Variants in NAF1 observed in about 807,000 individuals in gnomAD.
The protein encoded by NAF1 is H/ACA ribonucleoprotein complex non-core subunit NAF1.
In NAF1, 11 loss-of-function variants were observed where a neutral mutation model predicts 40.6. The ratio of observed to expected loss-of-function variants is 0.27; its 90% confidence interval spans 0.17 to 0.45. The LOEUF (loss-of-function observed/expected upper bound fraction) is 0.45. Ranked by LOEUF, NAF1 falls within the 20% of genes least tolerant of loss-of-function variation. NAF1 has a pLI of 1.00. For synonymous variants in NAF1, 260 were observed against 228.5 expected (o/e 1.14, Z -1.24); for missense variants, 607 against 611.1 (o/e 0.99, Z 0.07).
rs1731441156 is a variant in NAF1, at chr4:163,145,816, A to G, written c.683T>C (p.Val228Ala). 10 of 1,590,152 alleles carry G rather than the reference A, an allele frequency of 6.3e-6. No individual in the cohort carries two copies. Among genetic ancestry groups the G allele is most frequent in the Non-Finnish European group, 8.6e-6 (10 of 1,163,642 alleles). Reference sequence around the variant, plus strand: ...TGCTTGTCGATCACTTTTAAAAATTACAGTCTCCTCATTAACTGGAGGTAG... The same window carrying G: ...TGCTTGTCGATCACTTTTAAAAATTGCAGTCTCCTCATTAACTGGAGGTAG... ...TNLPPVNEETVIFKSDRQAAG... is the reference protein window; with the variant it reads ...TNLPPVNEETAIFKSDRQAAG... Residue 228 changes from valine to alanine, a missense_variant, in exon 4 of 8, where the codon GTA (valine) becomes GCA (alanine). Physicochemically the swap from Val to Ala is moderately conservative, Grantham distance 64. Coordinates refer to ENST00000274054, the MANE Select transcript of NAF1 (RefSeq NM_138386.3).
chr4:163,149,736 G>A (rs1731619827), intron 2 of NAF1, among the ~76,000 whole-genome samples: 1 of 152,132 alleles, frequency 6.6e-6, no homozygotes, highest in Non-Finnish European at 1.5e-5. Context: ...TTTGAAAATG[G>A]TTCATGTGTG....
intron 6 of NAF1, chr4:163,133,588 TTATCA>T: frequency 5.0e-6 from 1 of 200,152 alleles, no homozygotes. Context: ...ATTATATATA[TTATCA>T]GAGCCAATAA....
chr4:163,124,501 C>T (rs80077097), downstream of NAF1, among the ~76,000 whole-genome samples: 221 of 152,216 alleles, frequency 1.5e-3, 1 homozygote, highest in East Asian at 0.017. Flanking sequence ...CCTAATACAA[C>T]GTAAACCTTA....
chr4:163,127,863 G>GT (rs1028356881), downstream of NAF1, among the ~76,000 whole-genome samples: 14 of 152,184 alleles, frequency 9.2e-5, no homozygotes, highest in African/African-American at 3.4e-4. Flanking sequence ...GTAAAGGAAT[G>GT]TAAGATTGGG....
intron 2 of NAF1, among the ~76,000 whole-genome samples, chr4:163,118,188 T>A (rs1450726749): frequency 6.6e-6 from 1 of 152,042 alleles, no homozygotes; most frequent in African/African-American, 2.4e-5. Flanking sequence ...ACCACTATAC[T>A]CTAGAAACAC....
At position 163,164,232 on chromosome 4, in the gene NAF1, A is replaced by T; in HGVS notation, c.525T>A (p.Asp175Glu). 1 of 1,547,980 alleles carries T rather than the reference A, an allele frequency of 6.5e-7. No individual in the cohort carries two copies. The highest frequency in any genetic ancestry group is 8.7e-7 in the Non-Finnish European group (1 of 1,150,866). Residue 175 changes from aspartate (D) to glutamate (E), a missense_variant, in exon 2 of 8, where the codon GAT becomes GAA. Transcript: ENST00000274054. ...AAGTACTTACATTAAGAAGTAATTC[A>T]TCTTTTGTTTTAAGAGGAAAATTCT... ...ENKNFPLKTKDELLLNELPSV... is the reference protein window; with the variant it reads ...ENKNFPLKTKEELLLNELPSV...
intron 2 of NAF1, among the ~76,000 whole-genome samples, chr4:163,117,715 A>ACACACACACACG (rs1393463048): frequency 1.3e-5 from 2 of 151,324 alleles, no homozygotes; most frequent in African/African-American, 2.4e-5. Context: ...ACACACACAC[A>ACACACACACACG]CACGCATGAA....
At chr4:163,115,354 G>A (rs1011926583) in intron 2 of NAF1, among the ~76,000 whole-genome samples, 6 of 151,760 alleles carry the variant, frequency 4.0e-5, no homozygotes, top group East Asian at 1.9e-4. Flanking sequence ...GACTACAGGC[G>A]CCCACCACCG....
intron 3 of NAF1, among the ~76,000 whole-genome samples, chr4:163,146,112 C>T (rs1251136913): frequency 6.6e-6 from 1 of 152,106 alleles, no homozygotes; most frequent in African/African-American, 2.4e-5. Flanking sequence ...GCAAATCCCA[C>T]AGAAAATCTG....
intron 6 of NAF1, among the ~76,000 whole-genome samples, chr4:163,134,465 T>C (rs889663014): frequency 6.6e-6 from 1 of 152,156 alleles, no homozygotes; most frequent in Non-Finnish European, 1.5e-5. Flanking sequence ...TTACTGATCT[T>C]AATACGATAA....
intron 4 of NAF1, among the ~76,000 whole-genome samples, chr4:163,143,208 C>T (rs1386331513): frequency 1.3e-5 from 2 of 152,192 alleles, no homozygotes; most frequent in East Asian, 3.9e-4. Context: ...GGTGATAATA[C>T]TCACCATTTT....
intron 1 of NAF1, among the ~76,000 whole-genome samples, chr4:163,165,846 T>C (rs1339344687): frequency 1.3e-5 from 2 of 152,190 alleles, no homozygotes; most frequent in Non-Finnish European, 2.9e-5. Context: ...GTTTGGCTAC[T>C]TTCATAAACA....
Position 163,153,114 on chromosome 4 carries a change from T to C in NAF1, c.541-4680A>G, listed in dbSNP as rs185512439. Among the ~76,000 whole-genome samples the C allele has an allele frequency of 4.6e-3, 695 of 152,324 alleles. 8 individuals are homozygous for C. The highest frequency in any genetic ancestry group is 0.015 in the African/African-American group (628 of 41,584). On this transcript the variant is annotated intron_variant, in intron 2 of 7. Coordinates refer to ENST00000274054, the MANE Select transcript of NAF1 (RefSeq NM_138386.3). Reference sequence around the variant, plus strand: ...AGGGCTCGGGACCTGCAGCCCGCCATGCCTGAGCCTTCCCCCGCCTCCGTG... The same window carrying C: ...AGGGCTCGGGACCTGCAGCCCGCCACGCCTGAGCCTTCCCCCGCCTCCGTG...
Position 163,120,606 on chromosome 4 carries a change from A to T in NAF1, c.115-10316T>A, listed in dbSNP as rs751911369. Among the ~76,000 whole-genome samples, 34 of 152,256 alleles carry T rather than the reference A, an allele frequency of 2.2e-4. 1 individual carries two copies. The highest frequency in any genetic ancestry group is 4.6e-4 in the Non-Finnish European group (31 of 68,046). On this transcript the variant is annotated intron_variant, in intron 2 of 2. Coordinates refer to the NAF1 transcript ENST00000509434. ...GGTACTCAACTAAAATATGCGTAAC[A>T]ATTAGGCTTTCTGTACTAGCCTTCA...
At chr4:163,161,599 C>A (rs977301547) in intron 2 of NAF1, among the ~76,000 whole-genome samples, 1 of 152,158 alleles carries the variant, frequency 6.6e-6, no homozygotes, top group Non-Finnish European at 1.5e-5. Context: ...AACAGTGTGA[C>A]TAGCCTTCAC....
At chr4:163,135,189 A>T (rs998018723) in intron 6 of NAF1, 1 of 152,146 alleles carries the variant, frequency 6.6e-6, no homozygotes, top group African/African-American at 2.4e-5. Context: ...CAAGCTTTCT[A>T]TTTTCACATC....
chr4:163,161,451 G>A (rs1235541972), intron 2 of NAF1, among the ~76,000 whole-genome samples: 1 of 151,102 alleles, frequency 6.6e-6, no homozygotes, highest in African/African-American at 2.4e-5. Flanking sequence ...CGGCCTGGGC[G>A]ACAAGAGCGA....
intron 3 of NAF1, among the ~76,000 whole-genome samples, chr4:163,146,595 A>G (rs1460155036): frequency 1.3e-5 from 2 of 152,228 alleles, no homozygotes; most frequent in Non-Finnish European, 2.9e-5. Flanking sequence ...GGAATAAAAT[A>G]TATTACCTCA....
intron 2 of NAF1, among the ~76,000 whole-genome samples, chr4:163,155,146 A>T (rs1447585606): frequency 6.6e-6 from 1 of 152,228 alleles, no homozygotes; most frequent in African/African-American, 2.4e-5. Flanking sequence ...TTCAACTAGC[A>T]AATTTAATCT....
Sources: gnomAD v4.1 joint callset for allele counts (sites outside exome capture counted in the v4.1 genomes callset) on GRCh38, gnomAD v4.1.1 for gene constraint, MANE v1.5 for transcripts, NCBI Gene and HGNC (gene_info 2026-07-23, HGNC 2026-07-21) for gene names.